The following ATR variants were observed in gnomAD, a reference collection of about 807,000 sequenced individuals.
The protein encoded by ATR is ATR checkpoint kinase.
Under a neutral mutation model 305.3 loss-of-function variants are expected in ATR, and 142 were observed. The ratio of observed to expected loss-of-function variants is 0.47; its 90% confidence interval spans 0.41 to 0.53. The LOEUF is 0.53. ATR is among the 20% of genes least tolerant of loss of function. The pLI, the probability that ATR is intolerant of heterozygous loss-of-function variation, is 0.00. For synonymous variants in ATR, 1,050 were observed against 1,068.1 expected (o/e 0.98, Z 0.33); for missense variants, 2,135 against 3,133.1 (o/e 0.68, Z 7.60).
intron 41 of ATR, among the ~76,000 whole-genome samples, chr3:142,463,616 C>G (rs945603504): frequency 6.6e-6 from 1 of 152,068 alleles, no homozygotes; most frequent in Non-Finnish European, 1.5e-5. Context: ...AGGCTGGTCT[C>G]GAACTACTGG....
At chr3:142,543,187 A>G (rs1285248237) in intron 16 of ATR, among the ~76,000 whole-genome samples, 1 of 152,186 alleles carries the variant, frequency 6.6e-6, no homozygotes, top group African/African-American at 2.4e-5. Context: ...AGGAAAAGGT[A>G]TTCTACCAGA....
intron 1 of ATR, among the ~76,000 whole-genome samples, chr3:142,572,805 G>C (rs538042509): frequency 1.3e-5 from 2 of 152,072 alleles, no homozygotes; most frequent in African/African-American, 4.8e-5. Context: ...ACTGTTCTCT[G>C]GTCCTGGTAC....
At chr3:142,575,357 G>C (rs1472318656) in intron 1 of ATR, among the ~76,000 whole-genome samples, 1 of 151,470 alleles carries the variant, frequency 6.6e-6, no homozygotes, top group African/African-American at 2.4e-5. Flanking sequence ...GTGCAAGCCT[G>C]TAGTCCCAGC....
chr3:142,512,551 T>G, intron 26 of ATR, 81 bp from the exon 27 acceptor site: 1 of 1,219,174 alleles, frequency 8.2e-7, no homozygotes, highest in Non-Finnish European at 1.1e-6. Context: ...CTAACCATTC[T>G]AAGGCAAAAA....
At chr3:142,464,201 C>A (rs966798462) in intron 41 of ATR, among the ~76,000 whole-genome samples, 1 of 152,142 alleles carries the variant, frequency 6.6e-6, no homozygotes, top group African/African-American at 2.4e-5. Flanking sequence ...TCATAGCTCA[C>A]TGTAGCCTCA....
intron 26 of ATR, among the ~76,000 whole-genome samples, chr3:142,512,751 A>G (rs1214973417): frequency 1.3e-5 from 2 of 152,172 alleles, no homozygotes; most frequent in Admixed American, 1.3e-4. Context: ...GCTACTCAGA[A>G]GGCTGAGGCA....
chr3:142,543,737 A>G (rs2034152997), intron 16 of ATR, among the ~76,000 whole-genome samples: 1 of 151,386 alleles, frequency 6.6e-6, no homozygotes, highest in South Asian at 2.1e-4. Context: ...TGGCACAATC[A>G]CGACTCACTG....
At chr3:142,500,009 A>C (rs1028917425) in intron 30 of ATR, 6 of 261,472 alleles carry the variant, frequency 2.3e-5, no homozygotes, top group Admixed American at 5.1e-5. Flanking sequence ...TTCCTGAATA[A>C]TAACTAAGCC....
chr3:142,482,203 T>C (rs993680845), intron 36 of ATR, among the ~76,000 whole-genome samples: 1 of 152,186 alleles, frequency 6.6e-6, no homozygotes, highest in East Asian at 1.9e-4. Context: ...CTAACCCTAA[T>C]TGGATCCTAG....
At chr3:142,488,208 G>C (rs543730153) in intron 35 of ATR, among the ~76,000 whole-genome samples, 3 of 152,258 alleles carry the variant, frequency 2.0e-5, no homozygotes, top group East Asian at 3.9e-4. Context: ...TTAAGTTCTG[G>C]TCCAATGGTC....
At chr3:142,566,563 G>A (rs1212099538) in intron 2 of ATR, among the ~76,000 whole-genome samples, 1 of 144,720 alleles carries the variant, frequency 6.9e-6, no homozygotes, top group East Asian at 2.2e-4. Flanking sequence ...GTTCAAGGCA[G>A]TAGTGAGCTA....
chr3:142,522,613 T>G, intron 23 of ATR, 115 bp downstream of exon 23: 1 of 905,204 alleles, frequency 1.1e-6, no homozygotes, highest in Admixed American at 2.0e-5. Flanking sequence ...TGAACTTGTA[T>G]AACTTTGATA....
intron 21 of ATR, among the ~76,000 whole-genome samples, chr3:142,526,887 C>G (rs2033415056): frequency 6.6e-6 from 1 of 151,864 alleles, no homozygotes. Context: ...CTCCCCAGGC[C>G]AAGGTGATCC....
chr3:142,566,521 G>A (rs1042808925), intron 2 of ATR, among the ~76,000 whole-genome samples: 2 of 151,790 alleles, frequency 1.3e-5, no homozygotes, highest in Non-Finnish European at 2.9e-5. Context: ...TACTCAGGGG[G>A]CTGAGGCTGG....
At chr3:142,569,340 C>A (rs1028790899) in intron 1 of ATR, among the ~76,000 whole-genome samples, 1 of 152,016 alleles carries the variant, frequency 6.6e-6, no homozygotes, top group Non-Finnish European at 1.5e-5. Flanking sequence ...CCCCTTTTGG[C>A]GACAGGGTCT....
intron 27 of ATR, among the ~76,000 whole-genome samples, chr3:142,508,916 T>G (rs1195193985): frequency 1.2e-5 from 1 of 80,772 alleles, no homozygotes; most frequent in African/African-American, 5.8e-5. Flanking sequence ...AGAGCGAGAC[T>G]CCGTATCAAA....
intron 24 of ATR, among the ~76,000 whole-genome samples, chr3:142,517,677 C>T (rs2032926320): frequency 1.3e-5 from 2 of 152,164 alleles, no homozygotes; most frequent in South Asian, 4.1e-4. Context: ...AAGCTAAAGA[C>T]CAAAAGAATT....
At chr3:142,474,652 T>A (rs2071389516) in intron 36 of ATR, among the ~76,000 whole-genome samples, 1 of 152,304 alleles carries the variant, frequency 6.6e-6, no homozygotes, top group Non-Finnish European at 1.5e-5. Flanking sequence ...TTTCAGTATA[T>A]AAAATCATGT....
chr3:142,525,053 C>T (rs2033313110), intron 21 of ATR, among the ~76,000 whole-genome samples: 2 of 152,104 alleles, frequency 1.3e-5, no homozygotes, highest in Admixed American at 1.3e-4. Context: ...TAATCTTATC[C>T]AGAATCTTCA....
Sources: allele counts gnomAD v4.1 joint callset (sites outside exome capture counted in the v4.1 genomes callset), GRCh38; gene constraint gnomAD v4.1.1; transcripts MANE v1.5; gene names NCBI Gene and HGNC (gene_info 2026-07-23, HGNC 2026-07-21).